The following SLC25A21 variants were observed in gnomAD, a reference collection of about 807,000 sequenced individuals.
The protein encoded by SLC25A21 is solute carrier family 25 member 21, also known as mitochondrial 2-oxodicarboxylate carrier.
A neutral mutation model predicts 43.8 loss-of-function variants in SLC25A21; 47 were observed. The observed-to-expected ratio is 1.07, with a 90% CI of 0.85 to 1.37. The LOEUF (loss-of-function observed/expected upper bound fraction) is 1.37, where lower values mean the gene tolerates loss of function less well. Ranked by LOEUF, SLC25A21 falls within the 40% of genes most tolerant of loss-of-function variation. The pLI is 0.00. For missense variants in SLC25A21, 352 were observed against 350.2 expected, an observed-to-expected ratio of 1.00 and a Z score of -0.04; for synonymous variants, 131 against 121.3, an observed-to-expected ratio of 1.08 and a Z score of -0.52.
chr14:36,893,435 G>T (rs1891141866), intron 1 of SLC25A21, among the ~76,000 whole-genome samples: 1 of 152,138 alleles, frequency 6.6e-6, no homozygotes, highest in African/African-American at 2.4e-5. Flanking sequence ...TGAAGATTCT[G>T]GATATTAGCC....
At chr14:36,794,727 C>G (rs1170803021) in intron 3 of SLC25A21, among the ~76,000 whole-genome samples, 1 of 150,844 alleles carries the variant, frequency 6.6e-6, no homozygotes, top group Non-Finnish European at 1.5e-5. Context: ...TGAGATCACA[C>G]CACTGCACTC....
intron 1 of SLC25A21, among the ~76,000 whole-genome samples, chr14:37,143,654 G>T (rs955261211): frequency 4.6e-5 from 7 of 151,678 alleles, no homozygotes; most frequent in African/African-American, 1.7e-4. Flanking sequence ...GTATGAAAGG[G>T]GAAGAAGGCA....
At chr14:36,738,090 C>T (rs1885115399) in intron 3 of SLC25A21, among the ~76,000 whole-genome samples, 1 of 152,182 alleles carries the variant, frequency 6.6e-6, no homozygotes, top group Admixed American at 6.5e-5. Flanking sequence ...GCTGTAGAAC[C>T]TCTGTGCTGT....
intron 1 of SLC25A21, among the ~76,000 whole-genome samples, chr14:37,123,885 C>T (rs1963253380): frequency 6.6e-6 from 1 of 152,026 alleles, no homozygotes; most frequent in African/African-American, 2.4e-5. Context: ...TAAGTAAATA[C>T]TATAAGGAAA....
intron 2 of SLC25A21, among the ~76,000 whole-genome samples, chr14:36,832,083 A>G (rs1404428811): frequency 6.6e-6 from 1 of 152,114 alleles, no homozygotes; most frequent in Non-Finnish European, 1.5e-5. Flanking sequence ...GTGTAGTCTT[A>G]AAGAAAACCA....
intron 1 of SLC25A21, among the ~76,000 whole-genome samples, chr14:37,122,639 G>GCA (rs1963228993): frequency 5.9e-5 from 1 of 17,030 alleles, no homozygotes; most frequent in Non-Finnish European, 1.9e-4. Context: ...ATACGATATA[G>GCA]TATGAGTACA....
intron 1 of SLC25A21, among the ~76,000 whole-genome samples, chr14:36,900,812 G>C (rs1376912684): frequency 1.3e-5 from 2 of 152,152 alleles, no homozygotes; most frequent in African/African-American, 4.8e-5. Flanking sequence ...ATCTCTACTT[G>C]AAAGATTTAC....
intron 1 of SLC25A21, among the ~76,000 whole-genome samples, chr14:37,038,966 C>A (rs1248594824): frequency 6.6e-6 from 1 of 152,156 alleles, no homozygotes; most frequent in Non-Finnish European, 1.5e-5. Flanking sequence ...CCTTCCCCAG[C>A]CCCCTCTTTG....
intron 3 of SLC25A21, among the ~76,000 whole-genome samples, chr14:36,785,428 C>T (rs1887212832): frequency 6.6e-6 from 1 of 152,192 alleles, no homozygotes; most frequent in Non-Finnish European, 1.5e-5. Flanking sequence ...CTGTACCTGA[C>T]TTTCTGCATG....
At chr14:36,994,037 A>G (rs1408211750) in intron 1 of SLC25A21, among the ~76,000 whole-genome samples, 1 of 152,190 alleles carries the variant, frequency 6.6e-6, no homozygotes, top group African/African-American at 2.4e-5. Flanking sequence ...AATATTAGTA[A>G]CCCTAGAGAT....
intron 2 of SLC25A21, among the ~76,000 whole-genome samples, chr14:36,824,632 C>T (rs986962251): frequency 1.1e-4 from 17 of 151,962 alleles, no homozygotes; most frequent in African/African-American, 2.2e-4. Context: ...AAAAGGGCAC[C>T]GGGCTAGAGG....
At position 36,797,791 on chromosome 14, in the gene SLC25A21, T is replaced by C. The variant is rs142393384; in HGVS notation, c.203+16127A>G. 2.3e-3 allele frequency among the ~76,000 whole-genome samples: 356 copies of C among 152,304 alleles called. 2 individuals are homozygous for C. Among genetic ancestry groups the C allele is most frequent in the African/African-American group, 8.3e-3 (346 of 41,574 alleles). On this transcript the variant is annotated intron_variant, in intron 3 of 9. Transcript: ENST00000331299. ...GATCCCAAACCTTATTTGAAAAGCCTGAATAGGATGAAAAGGTTTTCTCTA... is the reference window on the plus strand; with the variant it reads ...GATCCCAAACCTTATTTGAAAAGCCCGAATAGGATGAAAAGGTTTTCTCTA...
intron 1 of SLC25A21, among the ~76,000 whole-genome samples, chr14:37,073,291 C>A (rs2138828122): frequency 6.6e-6 from 1 of 152,288 alleles, no homozygotes; most frequent in Non-Finnish European, 1.5e-5. Flanking sequence ...TTCACAGTTC[C>A]CTATTCTTTT....
intron 1 of SLC25A21, among the ~76,000 whole-genome samples, chr14:37,029,953 T>C (rs1422572001): frequency 6.6e-6 from 1 of 151,536 alleles, no homozygotes; most frequent in Non-Finnish European, 1.5e-5. Context: ...TTAGTAGAGA[T>C]GAGATTTCAC....
At chr14:36,842,625 T>C (rs1414293424) in intron 2 of SLC25A21, among the ~76,000 whole-genome samples, 2 of 152,222 alleles carry the variant, frequency 1.3e-5, no homozygotes, top group African/African-American at 4.8e-5. Flanking sequence ...TTCTAACTTA[T>C]ATTGGTGCCA....
At chr14:36,844,503 G>A (rs1889483162) in intron 2 of SLC25A21, among the ~76,000 whole-genome samples, 1 of 152,152 alleles carries the variant, frequency 6.6e-6, no homozygotes, top group Admixed American at 6.5e-5. Context: ...AGGAAAAAAA[G>A]ACAAATCTGA....
intron 1 of SLC25A21, among the ~76,000 whole-genome samples, chr14:37,049,783 A>G (rs1338821184): frequency 6.6e-6 from 1 of 152,234 alleles, no homozygotes; most frequent in Non-Finnish European, 1.5e-5. Context: ...TATCCAAAAT[A>G]TTATCACTTC....
Position 36,917,277 on chromosome 14 carries a change from C to G in SLC25A21, c.71-42273G>C, listed in dbSNP as rs984451987. On this transcript the variant is annotated intron_variant, in intron 1 of 9. Transcript: ENST00000331299. ...TCACCCCTACCCTGGCCTCTTTCTC[C>G]TAAGTGAGCCTCATGACTTCCAGCC... 2.0e-5 allele frequency among the ~76,000 whole-genome samples: 3 copies of G among 152,066 alleles called. No individual in the cohort carries two copies. The East Asian group carries it at 5.8e-4, about 29-fold the overall frequency.
chr14:37,102,502 G>A (rs767416384), intron 1 of SLC25A21, among the ~76,000 whole-genome samples: 16 of 151,852 alleles, frequency 1.1e-4, no homozygotes, highest in Non-Finnish European at 2.1e-4. Flanking sequence ...AGTCCCCTAG[G>A]TTTCCCTGTT....
Sources: gnomAD v4.1 joint callset for allele counts (sites outside exome capture counted in the v4.1 genomes callset) on GRCh38, gnomAD v4.1.1 for gene constraint, MANE v1.5 for transcripts, NCBI Gene and HGNC (gene_info 2026-07-23, HGNC 2026-07-21) for gene names.